The following ANK1 variants were observed in gnomAD, a reference collection of about 807,000 sequenced individuals.
ANK1 encodes ankyrin-1.
A neutral mutation model predicts 210.4 loss-of-function variants in ANK1; 51 were observed. The ratio of observed to expected loss-of-function variants is 0.24; its 90% confidence interval spans 0.19 to 0.31. The LOEUF (loss-of-function observed/expected upper bound fraction) is 0.31, where lower values mean the gene tolerates loss of function less well. Among genes scored for constraint, ANK1 ranks in the 10% least tolerant of loss-of-function variants. ANK1 has a pLI of 1.00. For synonymous variants in ANK1, 967 were observed against 1,025.9 expected, an observed-to-expected ratio of 0.94 and a Z score of 1.10; for missense variants, 2,051 against 2,504.4, an observed-to-expected ratio of 0.82 and a Z score of 3.86.
intron 1 of ANK1, among the ~76,000 whole-genome samples, chr8:41,861,169 C>T (rs547438537): frequency 2.0e-5 from 3 of 152,252 alleles, no homozygotes; most frequent in Admixed American, 2.0e-4. Context: ...GGAATTAACT[C>T]CGGACAAGGA....
At chr8:41,822,186 G>GAAAGAAAGA (rs10686757) in intron 1 of ANK1, among the ~76,000 whole-genome samples, 9 of 145,860 alleles carry the variant, frequency 6.2e-5, no homozygotes, top group African/African-American at 2.3e-4. Context: ...AAGAAAGAAA[G>GAAAGAAAGA]AAGGAAAGAA....
intron 17 of ANK1, among the ~76,000 whole-genome samples, chr8:41,706,607 A>G (rs576311344): frequency 1.3e-5 from 2 of 152,350 alleles, no homozygotes; most frequent in South Asian, 2.1e-4. Flanking sequence ...TCTGATCTAG[A>G]TGAACTTTAT....
chr8:41,827,688 ACACT>A (rs1287945169), intron 1 of ANK1, among the ~76,000 whole-genome samples: 1 of 47,872 alleles, frequency 2.1e-5, no homozygotes, highest in East Asian at 2.8e-4. Context: ...TCATATATAC[ACACT>A]CACACACACT....
intron 39 of ANK1, among the ~76,000 whole-genome samples, chr8:41,666,600 C>T (rs1246801985): frequency 6.6e-6 from 1 of 152,246 alleles, no homozygotes; most frequent in African/African-American, 2.4e-5. Context: ...AAGTTACATG[C>T]AATCTCTCTA....
intron 1 of ANK1, among the ~76,000 whole-genome samples, chr8:41,766,094 C>T (rs1256582549): frequency 6.6e-6 from 1 of 152,204 alleles, no homozygotes; most frequent in Non-Finnish European, 1.5e-5. Context: ...GCCACTTTCC[C>T]AAGGGGTCTT....
chr8:41,895,980 G>A (rs1158736396), intron 1 of ANK1, among the ~76,000 whole-genome samples: 1 of 152,098 alleles, frequency 6.6e-6, no homozygotes, highest in Non-Finnish European at 1.5e-5. Flanking sequence ...CGGGTGCGGC[G>A]CGCCCGAGCA....
intron 2 of ANK1, among the ~76,000 whole-genome samples, chr8:41,753,060 C>CT (rs761060485): frequency 0.15 from 15,564 of 106,610 alleles, 1,548 homozygotes; most frequent in South Asian, 0.21. Context: ...GCCGCAGGCT[C>CT]TTTTTTTTTT....
At chr8:41,865,204 G>A (rs959570670) in intron 1 of ANK1, among the ~76,000 whole-genome samples, 4 of 152,156 alleles carry the variant, frequency 2.6e-5, no homozygotes, top group African/African-American at 4.8e-5. Flanking sequence ...ATGAGCACAC[G>A]GCTGAGGAGG....
chr8:41,818,069 A>C (rs1803614881), intron 1 of ANK1, among the ~76,000 whole-genome samples: 1 of 152,252 alleles, frequency 6.6e-6, no homozygotes, highest in Admixed American at 6.5e-5. Flanking sequence ...GCTGGCTGCA[A>C]AGTCAAACAA....
At position 41,714,284 on chromosome 8, in the gene ANK1, C is replaced by G. The variant is rs16890776; in HGVS notation, c.1702-30G>C. The G allele has an allele frequency of 0.054, 82,163 of 1,520,640 alleles. 2,475 individuals carry two copies. The highest frequency in any genetic ancestry group is 0.058 in the Non-Finnish European group (65,383 of 1,120,586). The allele number at this position is 1,520,640 out of a possible 1,614,324, so 94.2% of individuals were successfully genotyped here. A position where few individuals can be genotyped will look rare whatever the true frequency, so the allele number is the denominator to read the frequency against. ...AGGGGACAAAGACAAAAGAGGCCGG[C>G]TGTCACTCCCACGGACTTTCTCCCA... On this transcript the variant is annotated intron_variant, in intron 15 of 42. Coordinates refer to ENST00000289734, the MANE Select transcript of ANK1 (RefSeq NM_000037.4).
intron 37 of ANK1, 60 bp from the exon 38 acceptor site, chr8:41,672,972 G>A (rs1404509555): frequency 1.2e-5 from 18 of 1,493,660 alleles, no homozygotes; most frequent in African/African-American, 2.8e-5. Flanking sequence ...ACCCATTCAC[G>A]TGCAGGTCCA....
intron 42 of ANK1, among the ~76,000 whole-genome samples, chr8:41,658,914 A>G: frequency 1.5e-5 from 1 of 66,046 alleles, no homozygotes; most frequent in African/African-American, 6.9e-5. Flanking sequence ...AAATAAATAA[A>G]TAAATAAATA....
At chr8:41,690,205 T>C in intron 33 of ANK1, 22 bp downstream of exon 33, 1 of 1,613,970 alleles carries the variant, frequency 6.2e-7, no homozygotes, top group East Asian at 2.2e-5. Context: ...GGGCCAAGGC[T>C]CCTCGGCAGG....
At chr8:41,726,955 T>C (rs1311977148) in intron 5 of ANK1, among the ~76,000 whole-genome samples, 3 of 152,212 alleles carry the variant, frequency 2.0e-5, no homozygotes, top group Non-Finnish European at 4.4e-5. Context: ...TTGCCAACCA[T>C]ACACATGCAT....
intron 1 of ANK1, among the ~76,000 whole-genome samples, chr8:41,769,629 T>C (rs1842600059): frequency 6.6e-6 from 1 of 152,228 alleles, no homozygotes; most frequent in Non-Finnish European, 1.5e-5. Context: ...TATTTGAGGA[T>C]TAATTGACAC....
At chr8:41,665,998 G>T (rs1325371636) in intron 39 of ANK1, among the ~76,000 whole-genome samples, 1 of 152,236 alleles carries the variant, frequency 6.6e-6, no homozygotes, top group Non-Finnish European at 1.5e-5. Context: ...TCACTTTCTA[G>T]ATCAGGTTGT....
At chr8:41,795,787 G>T (rs1473052543) in intron 1 of ANK1, among the ~76,000 whole-genome samples, 3 of 152,080 alleles carry the variant, frequency 2.0e-5, no homozygotes. Context: ...AGAGAGATTG[G>T]TTATGCGTAC....
chr8:41,671,730 C>T (rs1391918125), intron 38 of ANK1, among the ~76,000 whole-genome samples: 2 of 146,826 alleles, frequency 1.4e-5, no homozygotes, highest in East Asian at 4.2e-4. Flanking sequence ...CCCCGATGTC[C>T]TAAGTAAGCC....
chr8:41,693,243 A>T (rs1284797775), intron 29 of ANK1, 42 bp from the exon 30 acceptor site: 2 of 1,492,308 alleles, frequency 1.3e-6, no homozygotes, highest in African/African-American at 2.8e-5. Flanking sequence ...AGTCTTCAGG[A>T]TGTAAGCATG....
Sources: gnomAD v4.1 joint callset for allele counts (sites outside exome capture counted in the v4.1 genomes callset) on GRCh38, gnomAD v4.1.1 for gene constraint, MANE v1.5 for transcripts, NCBI Gene and HGNC (gene_info 2026-07-23, HGNC 2026-07-21) for gene names.